The following CD207 variants were observed in gnomAD, a reference collection of about 807,000 sequenced individuals.
The protein encoded by CD207 is C-type lectin domain family 4 member K.
A neutral mutation model predicts 31.6 loss-of-function variants in CD207; 28 were observed. That is an observed-to-expected ratio of 0.89 (90% CI 0.66 to 1.21). The LOEUF (loss-of-function observed/expected upper bound fraction) is 1.21. Among genes scored for constraint, CD207 ranks in the 50% most tolerant of loss-of-function variants. The pLI, the probability that CD207 is intolerant of heterozygous loss-of-function variation, is 0.00. For synonymous variants in CD207, 168 were observed against 153.9 expected (o/e 1.09, Z -0.68); for missense variants, 388 against 397.8 (o/e 0.98, Z 0.21).
chr2:70,827,233 C>A (rs1367508641), downstream of CD207, among the ~76,000 whole-genome samples: 7 of 152,182 alleles, frequency 4.6e-5, no homozygotes, highest in Non-Finnish European at 1.0e-4. Flanking sequence ...GCTTTAGGCT[C>A]CCACAGAACA....
At chr2:70,827,774 C>CAAAG (rs3217144), downstream of CD207, among the ~76,000 whole-genome samples, 56,359 of 150,316 alleles carry the variant, frequency 0.37, 10,689 homozygotes, top group East Asian at 0.52. Context: ...GAGAGAATGA[C>CAAAG]AAAGAGAAAA....
chr2:70,831,886 T>C, intron 4 of CD207, 67 bp from the exon 5 acceptor site: 1 of 1,053,020 alleles, frequency 9.5e-7, no homozygotes, highest in Non-Finnish European at 1.5e-6. Flanking sequence ...TCTCTGGGTG[T>C]TCTTCACCTG....
downstream of CD207, among the ~76,000 whole-genome samples, chr2:70,828,540 A>G (rs1250650596): frequency 1.3e-5 from 2 of 152,196 alleles, no homozygotes; most frequent in Admixed American, 6.5e-5. Flanking sequence ...GAGGATCAGA[A>G]GGGCTGGGAG....
chr2:70,824,667 T>C, the CD207 span, among the ~76,000 whole-genome samples: 15 of 105,830 alleles, frequency 1.4e-4, no homozygotes, highest in Admixed American at 1.4e-3. Context: ...TATGTCAAAA[T>C]GACACAGGAA....
chr2:70,833,124 G>T, intron 3 of CD207, 73 bp from the exon 4 acceptor site: 1 of 1,460,684 alleles, frequency 6.8e-7, no homozygotes, highest in Non-Finnish European at 9.6e-7. Flanking sequence ...GGGGGCACTT[G>T]AATGAGGTCT....
At chr2:70,833,172 T>C in intron 3 of CD207, 121 bp from the exon 4 acceptor site, 1 of 862,846 alleles carries the variant, frequency 1.2e-6, no homozygotes, top group Non-Finnish European at 1.9e-6. Context: ...GCTGGTGTCC[T>C]TGGGTCCTTG....
chr2:70,831,022 C>CA lies in CD207; in HGVS notation c.*27dup. ...CTCATGTTTAACAAGCGTTGGAGCT[C>CA]AAAGAGTGAGCTTGGGAGCCTGTCC... is the stretch of plus-strand genomic sequence containing the variant. On this transcript the variant is annotated 3_prime_UTR_variant, in exon 6 of 6. Transcript: ENST00000410009. The CA allele has an allele frequency of 6.2e-7, 1 of 1,600,626 alleles. No individual in the cohort carries two copies. Among genetic ancestry groups the CA allele is most frequent in the Non-Finnish European group, 8.5e-7 (1 of 1,171,714 alleles).
At chr2:70,828,153 C>T (rs1203174417), downstream of CD207, among the ~76,000 whole-genome samples, 9 of 152,188 alleles carry the variant, frequency 5.9e-5, no homozygotes, top group Admixed American at 1.3e-4. Context: ...GTCCATGATA[C>T]GAGGAGCTGC....
chr2:70,824,269 C>T, the CD207 span, among the ~76,000 whole-genome samples: 1 of 113,668 alleles, frequency 8.8e-6, no homozygotes, highest in Non-Finnish European at 2.0e-5. Flanking sequence ...AACACATTTA[C>T]AGGCCTGAAT....
chr2:70,831,792 G>C lies in CD207; in HGVS notation c.745C>G (p.Leu249Val), dbSNP rs943963603. 2 of 1,612,488 alleles carry C rather than the reference G, an allele frequency of 1.2e-6. No homozygotes were observed. Among genetic ancestry groups the C allele is most frequent in the Non-Finnish European group, 8.5e-7 (1 of 1,178,586 alleles). The change falls in exon 5 of 6, where the codon CTC (leucine) becomes GTC (valine). Residue 249 changes from leucine (L) to valine (V), a missense_variant. Physicochemically the swap from Leu to Val is conservative, Grantham distance 32. Transcript: ENST00000410009. ...QEFLYKTAGG[L>V]IYWIGLTKAG... Reference sequence around the variant, plus strand: ...TTAGTCAGGCCAATCCAGTAGATGAGTCCCCCCGCTGTTTTATACAGAAAC... The same window carrying C: ...TTAGTCAGGCCAATCCAGTAGATGACTCCCCCCGCTGTTTTATACAGAAAC...
chr2:70,831,652 G>T, intron 5 of CD207, 49 bp downstream of exon 5: 2 of 1,121,530 alleles, frequency 1.8e-6, no homozygotes, highest in Non-Finnish European at 2.7e-6. Flanking sequence ...TCATGCCCTG[G>T]CCATGGCCGG....
the CD207 span, among the ~76,000 whole-genome samples, chr2:70,824,621 C>CAA: frequency 6.2e-3 from 238 of 38,240 alleles, 20 homozygotes; most frequent in South Asian, 0.01. Context: ...TGCTTAGTTA[C>CAA]CAAAAAAAAA....
chr2:70,833,104 C>T (rs1677519556), intron 3 of CD207, 53 bp from the exon 4 acceptor site: 2 of 1,590,780 alleles, frequency 1.3e-6, no homozygotes, highest in African/African-American at 1.3e-5. Context: ...TCTTGGGATG[C>T]TGGCTTGGTG....
At chr2:70,835,414 G>C (rs1251036490) in intron 2 of CD207, 77 bp downstream of exon 2, 3 of 955,300 alleles carry the variant, frequency 3.1e-6, no homozygotes, top group East Asian at 2.5e-5. Context: ...GGAGAGCAGG[G>C]AAGTGGTCTC....
downstream of CD207, among the ~76,000 whole-genome samples, chr2:70,827,114 T>C (rs11690349): frequency 0.68 from 103,867 of 151,860 alleles, 35,606 homozygotes; most frequent in Middle Eastern, 0.76. Flanking sequence ...TTTTCTGTTT[T>C]CTCTCTCTTT....
rs781983818 is a variant in CD207 at position 70,835,518 on chromosome 2, C to A, written c.163G>T (p.Ala55Ser). The part of the protein sequence containing the change: ...ALICLTLVLV[A>S]SVLLQAVLYP... ...AGGACGGCCTGCAGCAGGACGGAGG[C>A]GACCAGGACCAGCGTCAGGCAGATT... The change falls in exon 2 of 6, where the codon GCC becomes TCC. Residue 55 changes from alanine to serine, a missense_variant. Coordinates refer to ENST00000410009, the MANE Select transcript of CD207 (RefSeq NM_015717.5). 1.9e-6 allele frequency: 3 copies of A among 1,613,596 alleles called. No homozygotes were observed. Among genetic ancestry groups the A allele is most frequent in the East Asian group, 4.5e-5 (2 of 44,888 alleles).
At chr2:70,829,670 G>A (rs141187312), downstream of CD207, among the ~76,000 whole-genome samples, 181 of 152,332 alleles carry the variant, frequency 1.2e-3, no homozygotes, top group African/African-American at 4.1e-3. Context: ...ACAGCAGCAC[G>A]TGGTATTTCA....
intron 5 of CD207, among the ~76,000 whole-genome samples, chr2:70,831,497 C>A (rs1294220522): frequency 1.3e-5 from 2 of 152,202 alleles, no homozygotes; most frequent in Admixed American, 6.5e-5. Flanking sequence ...GGCCTTGTTG[C>A]CAAACCCCAG....
At chr2:70,824,693 C>T in the CD207 span, among the ~76,000 whole-genome samples, 5 of 146,270 alleles carry the variant, frequency 3.4e-5, no homozygotes, top group South Asian at 1.1e-3. Context: ...GAAGGAGCTC[C>T]CAATGGCCAA....
Sources: gnomAD v4.1 joint callset for allele counts (sites outside exome capture counted in the v4.1 genomes callset) on GRCh38, gnomAD v4.1.1 for gene constraint, MANE v1.5 for transcripts, NCBI Gene and HGNC (gene_info 2026-07-23, HGNC 2026-07-21) for gene names.